SHC3: variants seen among roughly 807,000 people sequenced by gnomAD.
The protein encoded by SHC3 is SHC adaptor protein 3, also known as SHC-transforming protein 3.
Under a neutral mutation model 60.4 loss-of-function variants are expected in SHC3, and 15 were observed. The observed-to-expected ratio is 0.25, with a 90% CI of 0.17 to 0.38. SHC3 has a LOEUF of 0.38. Among genes scored for constraint, SHC3 ranks in the 10% least tolerant of loss-of-function variants. The pLI, the probability that SHC3 is intolerant of heterozygous loss-of-function variation, is 1.00. For missense variants in SHC3, 677 were observed against 786.1 expected, an observed-to-expected ratio of 0.86 and a Z score of 1.66; for synonymous variants, 294 against 325.9, an observed-to-expected ratio of 0.90 and a Z score of 1.05.
chr9:89,131,811 A>G (rs370008723), intron 1 of SHC3, among the ~76,000 whole-genome samples: 3 of 152,040 alleles, frequency 2.0e-5, no homozygotes, highest in East Asian at 1.9e-4. Context: ...CATACTGAAT[A>G]GGCAAAAACT....
rs1209706821 is a variant in SHC3 at position 89,041,680 on chromosome 9, G to A, written c.1360+346C>T. Reference sequence around the variant, plus strand: ...ACACGGGCCATGCCATTTCATCTTTGCATCCTTAGCAACTAATACAGTAGC... The same window carrying A: ...ACACGGGCCATGCCATTTCATCTTTACATCCTTAGCAACTAATACAGTAGC... On this transcript the variant is annotated intron_variant, in intron 10 of 11. Coordinates refer to ENST00000375835, the MANE Select transcript of SHC3 (RefSeq NM_016848.6). Among the ~76,000 whole-genome samples, 3 of 152,144 alleles carry A rather than the reference G, an allele frequency of 2.0e-5. No homozygotes were observed. In the East Asian group the frequency reaches 5.8e-4, roughly 29 times the overall value.
intron 1 of SHC3, 28 bp downstream of exon 1, chr9:89,177,959 C>A: frequency 8.3e-7 from 1 of 1,208,486 alleles, no homozygotes; most frequent in South Asian, 4.1e-5. Context: ...AACCCCCAGC[C>A]CCCAGGGCGG....
At chr9:89,099,293 C>A (rs1825749638) in intron 2 of SHC3, among the ~76,000 whole-genome samples, 1 of 152,102 alleles carries the variant, frequency 6.6e-6, no homozygotes, top group African/African-American at 2.4e-5. Flanking sequence ...TATTCTATAT[C>A]ACTCTTTTGT....
At chr9:89,091,555 C>T (rs973982265) in intron 2 of SHC3, among the ~76,000 whole-genome samples, 1 of 152,152 alleles carries the variant, frequency 6.6e-6, no homozygotes, top group Non-Finnish European at 1.5e-5. Flanking sequence ...AGGAAAACTA[C>T]AAGCCATAAA....
At chr9:89,038,475 A>G (rs572864687) in intron 10 of SHC3, among the ~76,000 whole-genome samples, 187 bp from the exon 11 acceptor site, 1 of 152,358 alleles carries the variant, frequency 6.6e-6, no homozygotes, top group South Asian at 2.1e-4. Context: ...ACAAGCATTG[A>G]AAAGCACAGC....
At chr9:89,173,378 T>A (rs1826897019) in intron 1 of SHC3, among the ~76,000 whole-genome samples, 1 of 152,278 alleles carries the variant, frequency 6.6e-6, no homozygotes, top group Non-Finnish European at 1.5e-5. Context: ...TTCCCAGGAC[T>A]CTGCTTTAAT....
chr9:89,110,569 T>A, intron 2 of SHC3: 1 of 656,374 alleles, frequency 1.5e-6, no homozygotes, highest in Non-Finnish European at 1.9e-6. Context: ...AGTGCTTCAT[T>A]CTGAAGTTGA....
chr9:89,110,329 G>C (rs1408355078), intron 2 of SHC3: 1 of 984,666 alleles, frequency 1.0e-6, no homozygotes, highest in African/African-American at 1.7e-5. Flanking sequence ...TAAAAGGTGT[G>C]ACTGGAGTGC....
At chr9:89,107,059 C>T (rs1023525558) in intron 2 of SHC3, among the ~76,000 whole-genome samples, 6 of 152,134 alleles carry the variant, frequency 3.9e-5, no homozygotes, top group Admixed American at 3.9e-4. Context: ...TACTCTTTGG[C>T]AAGCATTAGA....
At chr9:89,045,974 C>T in intron 8 of SHC3, 141 bp from the exon 9 acceptor site, 1 of 690,898 alleles carries the variant, frequency 1.4e-6, no homozygotes, top group Non-Finnish European at 2.4e-6. Context: ...CTTCATGCCT[C>T]ATGGTTGGCA....
At position 89,101,887 on chromosome 9, in the gene SHC3, T is replaced by A. The variant is rs373022095; in HGVS notation, c.545+10669A>T. On this transcript the variant is annotated intron_variant, in intron 2 of 11. Transcript: ENST00000375835. ...GTTCCCTCCTATATTCTGGAAAAGA[T>A]TGTGGAGAATTGATGTTATTTTTTC... is the stretch of plus-strand genomic sequence containing the variant. Among the ~76,000 whole-genome samples the A allele has an allele frequency of 3.7e-4, 56 of 152,232 alleles. 1 individual carries two copies. Among genetic ancestry groups the A allele is most frequent in the East Asian group, 3.7e-3 (19 of 5,186 alleles).
rs1040617918 is a variant in SHC3 at position 89,010,622 on chromosome 9, C to G, written c.*2825G>C. ...AGGGCCCAGGTGCACTCTGCAGGAC[C>G]AGGGTGGCCCAGCACAGCAGCAGCG... On this transcript the variant is annotated 3_prime_UTR_variant, in exon 12 of 12. Transcript: ENST00000375835. 2 of 152,488 alleles carry G rather than the reference C, an allele frequency of 1.3e-5. No homozygotes were observed. The highest frequency in any genetic ancestry group is 4.8e-5 in the African/African-American group (2 of 41,470). 9.4% of individuals were successfully genotyped at this position (152,488 alleles called of 1,614,324 possible).
At chr9:89,123,819 A>C (rs975303579) in intron 1 of SHC3, among the ~76,000 whole-genome samples, 6 of 152,154 alleles carry the variant, frequency 3.9e-5, no homozygotes, top group Admixed American at 6.5e-5. Flanking sequence ...TGGAATTATG[A>C]TGTGCCCAGG....
intron 1 of SHC3, among the ~76,000 whole-genome samples, chr9:89,132,547 G>A (rs1470715138): frequency 6.6e-6 from 1 of 152,164 alleles, no homozygotes; most frequent in Non-Finnish European, 1.5e-5. Context: ...GCATGGTACT[G>A]GTATCAAAAC....
At chr9:89,127,093 G>C (rs1484366869) in intron 1 of SHC3, among the ~76,000 whole-genome samples, 1 of 152,206 alleles carries the variant, frequency 6.6e-6, no homozygotes, top group Non-Finnish European at 1.5e-5. Context: ...AGACTGCCCA[G>C]TACTGTAGCT....
rs67891062 is a variant in SHC3, at chr9:89,026,254, C to CA, written c.1656+11738dup. Among the ~76,000 whole-genome samples, 795 of 102,050 alleles carry CA rather than the reference C, an allele frequency of 7.8e-3. 9 individuals are homozygous for CA. The highest frequency in any genetic ancestry group is 0.01 in the South Asian group (29 of 2,832). The allele number at this position is 102,050 out of a possible 152,430, so 66.9% of individuals were successfully genotyped here. A position where few individuals can be genotyped will look rare whatever the true frequency, so the allele number is the denominator to read the frequency against. On this transcript the variant is annotated intron_variant, in intron 11 of 11. Coordinates refer to ENST00000375835, the MANE Select transcript of SHC3 (RefSeq NM_016848.6). ...GGGTGACAAGAGTGAAACTACATCT[C>CA]AAAAAAAAAAAAAAAAAAAACAAGA...
chr9:89,063,027 A>G (rs934610941), intron 6 of SHC3, among the ~76,000 whole-genome samples: 1 of 152,202 alleles, frequency 6.6e-6, no homozygotes, highest in Non-Finnish European at 1.5e-5. Flanking sequence ...GCCTCCTCAC[A>G]CATGGTGAAA....
At chr9:89,143,102 A>G (rs1056851683) in intron 1 of SHC3, among the ~76,000 whole-genome samples, 3 of 152,198 alleles carry the variant, frequency 2.0e-5, no homozygotes, top group Non-Finnish European at 2.9e-5. Flanking sequence ...AAGTAAAGTA[A>G]TAAGAGAATG....
At chr9:89,142,550 G>C (rs1319368670) in intron 1 of SHC3, among the ~76,000 whole-genome samples, 3 of 151,996 alleles carry the variant, frequency 2.0e-5, no homozygotes, top group Non-Finnish European at 2.9e-5. Flanking sequence ...AGGTGTGGTG[G>C]TGGGTGCCTG....
Sources: gnomAD v4.1 joint callset for allele counts (sites outside exome capture counted in the v4.1 genomes callset) on GRCh38, gnomAD v4.1.1 for gene constraint, MANE v1.5 for transcripts, NCBI Gene and HGNC (gene_info 2026-07-23, HGNC 2026-07-21) for gene names.